The following MICAL1 variants were observed in gnomAD, a reference collection of about 807,000 sequenced individuals.
MICAL1 encodes the protein microtubule associated monooxygenase, calponin and LIM domain containing 1.
A neutral mutation model predicts 131.8 loss-of-function variants in MICAL1; 95 were observed. The ratio of observed to expected loss-of-function variants is 0.72; its 90% CI spans 0.61 to 0.86. The LOEUF is 0.86. Ranked by LOEUF, MICAL1 falls within the 40% of genes least tolerant of loss-of-function variation. The probability of loss-of-function intolerance (pLI) is 0.00; values close to 1 mark genes in which losing one functional copy is unlikely to be tolerated. For synonymous variants in MICAL1, 546 were observed against 554.2 expected (o/e 0.99, Z 0.21); for missense variants, 1,292 against 1,380.6 (o/e 0.94, Z 1.02).
rs749505470 is a variant in MICAL1 at position 109,448,441 on chromosome 6, C to T, written c.1665-48G>A. 3 of 1,598,308 alleles carry T rather than the reference C, an allele frequency of 1.9e-6. No individual in the cohort carries two copies. In the East Asian group the frequency reaches 6.7e-5, roughly 36 times the overall value. ...GCCAACTAGAGACAAGAACCTAGCC[C>T]CACTGAGGGGAGGAAGGGCAGCAGG... is the stretch of plus-strand genomic sequence containing the variant. On this transcript the variant is annotated intron_variant, in intron 12 of 24. Transcript: ENST00000358807.
intron 10 of MICAL1, 50 bp from the exon 11 acceptor site, chr6:109,449,531 G>A: frequency 6.2e-7 from 1 of 1,611,424 alleles, no homozygotes; most frequent in Non-Finnish European, 8.5e-7. Context: ...CACAGCCCCT[G>A]AGTCCAGGGG....
In MICAL1 at chr6:109,449,970, C is replaced by G; in HGVS notation, c.1307G>C (p.Arg436Pro). The G allele has an allele frequency of 6.2e-7, 1 of 1,613,646 alleles. No homozygotes were observed. Among genetic ancestry groups the G allele is most frequent in the East Asian group, 2.2e-5 (1 of 44,882 alleles). Residue 436 changes from arginine to proline, a missense_variant and splice_region_variant, in exon 9 of 25, where the codon CGT becomes CCT. Coordinates refer to ENST00000358807, the MANE Select transcript of MICAL1 (RefSeq NM_022765.4). ...GAESLEVLAE[R>P]ESLYQLLSQT... is the part of the protein sequence containing the mutation. ...ACATCCTCCTCAACTCAGGTCTTAC[C>G]GCTCAGCCAACACCTCTAGGGACTC...
chr6:109,457,547 AGAGAT>A (rs1179727118), upstream of MICAL1, among the ~76,000 whole-genome samples: 1 of 30,040 alleles, frequency 3.3e-5, no homozygotes, highest in Non-Finnish European at 4.8e-5. Context: ...AGAGACCATA[AGAGAT>A]CCAGAGACCA....
rs144451221 is a variant in MICAL1 at position 109,446,243 on chromosome 6, G to T, written c.2474C>A (p.Pro825Gln). Residue 825 changes from proline (P) to glutamine (Q), a missense_variant, in exon 19 of 25, where the codon CCG (proline) becomes CAG (glutamine). Transcript: ENST00000358807. ...RLSSLNLTPDPEMEPPPKPPR... is the reference protein window; with the variant it reads ...RLSSLNLTPDQEMEPPPKPPR... ...AGGCTTGGGTGGAGGCTCCATTTCCGGGTCAGGGGTAAGGTTAAGGGAGGA... is the reference window on the plus strand; with the variant it reads ...AGGCTTGGGTGGAGGCTCCATTTCCTGGTCAGGGGTAAGGTTAAGGGAGGA... 271 of 1,607,584 alleles carry T rather than the reference G, an allele frequency of 1.7e-4. No homozygotes were observed. The highest frequency in any genetic ancestry group is 2.2e-4 in the Non-Finnish European group (263 of 1,177,484).
Position 109,453,242 on chromosome 6 carries a change from AG to A in MICAL1, c.571+20del, listed in dbSNP as rs748773864. 6.3e-7 allele frequency: 1 copy of A among 1,590,910 alleles called. No individual in the cohort carries two copies. Among genetic ancestry groups the A allele is most frequent in the East Asian group, 2.2e-5 (1 of 44,804 alleles). ...TCTTGATGGGGGAGGGGGAGATTCCAGGGAGCATAGAAATACTTACCCTTCC... is the reference window on the plus strand; with the variant it reads ...TCTTGATGGGGGAGGGGGAGATTCCAGGAGCATAGAAATACTTACCCTTCC... On this transcript the variant is annotated intron_variant, in intron 4 of 24. Transcript: ENST00000358807.
chr6:109,444,402 C>T (rs922042631), intron 24 of MICAL1, 63 bp from the exon 25 acceptor site: 2 of 1,604,510 alleles, frequency 1.2e-6, no homozygotes, highest in East Asian at 2.2e-5. Flanking sequence ...AGGGCCACAA[C>T]CTAATCCCAG....
At chr6:109,450,234 C>T in intron 8 of MICAL1, 66 bp downstream of exon 8, 1 of 1,571,556 alleles carries the variant, frequency 6.4e-7, no homozygotes, top group Non-Finnish European at 8.7e-7. Context: ...CCTTTTTATC[C>T]CCTCCTCCAT....
In MICAL1 at chr6:109,445,805, T is replaced by A; in HGVS notation, c.2639A>T (p.Glu880Val). Residue 880 changes from glutamate (E) to valine (V), a missense_variant, in exon 20 of 25, where the codon GAA becomes GTA. Transcript: ENST00000358807. ...ATCTGAGTCCAAAGGCACATCTTCTTCTTCCTCTTCACTGGAGAAGGGACT... is the reference window on the plus strand; with the variant it reads ...ATCTGAGTCCAAAGGCACATCTTCTACTTCCTCTTCACTGGAGAAGGGACT... Reference protein sequence around the residue: ...KESPFSSEEEEEDVPLDSDVE... With the variant: ...KESPFSSEEEVEDVPLDSDVE... 2 of 1,611,770 alleles carry A rather than the reference T, an allele frequency of 1.2e-6. No individual in the cohort carries two copies. The highest frequency in any genetic ancestry group is 1.7e-6 in the Non-Finnish European group (2 of 1,179,132).
In MICAL1 at chr6:109,460,888, T is replaced by G. The variant is rs182827659; in HGVS notation, c.14+4776A>C. ...CAAAAATTTGAAAAAAGGGCTCACT[T>G]ACAGAGGCTCCTGTTAACTAAGACA... On this transcript the variant is annotated intron_variant, in intron 1 of 24. Transcript: ENST00000630715. 3.8e-4 allele frequency among the ~76,000 whole-genome samples: 58 copies of G among 152,312 alleles called. 1 individual carries two copies. Among genetic ancestry groups the G allele is most frequent in the Admixed American group, 3.3e-3 (51 of 15,298 alleles).
chr6:109,454,586 T>G (rs188699483), intron 1 of MICAL1: 1 of 292,934 alleles, frequency 3.4e-6, no homozygotes, highest in Non-Finnish European at 6.6e-6. Context: ...AATCAGGGTG[T>G]GCGGGGATTT....
chr6:109,461,569 G>A (rs1775889009), intron 1 of MICAL1, among the ~76,000 whole-genome samples: 1 of 151,938 alleles, frequency 6.6e-6, no homozygotes, highest in African/African-American at 2.4e-5. Context: ...GTGAGACCCT[G>A]TCTCCACTTA....
At position 109,453,657 on chromosome 6, in the gene MICAL1, G is replaced by A. The variant is rs1241967712; in HGVS notation, c.447C>T (p.Thr149=). ...GCTCACTGATGTGGTCCAGGGTGCCGGTGCAGAAGCGCCCGTAGAACTTCT... is the reference window on the plus strand; with the variant it reads ...GCTCACTGATGTGGTCCAGGGTGCCAGTGCAGAAGCGCCCGTAGAACTTCT... ...GAKKFYGRFC[T]GTLDHISIRQ... The change falls in exon 3 of 25, where the codon ACC becomes ACT. Residue 149 remains threonine (T), a synonymous_variant. Coordinates refer to ENST00000358807, the MANE Select transcript of MICAL1 (RefSeq NM_022765.4). 11 of 1,608,376 alleles carry A rather than the reference G, an allele frequency of 6.8e-6. No homozygotes were observed. The highest frequency in any genetic ancestry group is 6.7e-5 in the East Asian group (3 of 44,498).
In MICAL1 at chr6:109,449,431, G is replaced by A. The variant is rs780790903; in HGVS notation, c.1485C>T (p.Asn495=). The A allele has an allele frequency of 4.3e-5, 69 of 1,614,082 alleles. No individual in the cohort carries two copies. Among genetic ancestry groups the A allele is most frequent in the Non-Finnish European group, 5.3e-5 (63 of 1,180,044 alleles). ...CTGGCATCCCTGTATCTGTCTTGTC[G>A]TTGTTCCTCTGCACAGGCTCCTTGG... ...VLAKEPVQRN[N]DKTDTGMPAT... is the part of the protein sequence containing the mutation. The change falls in exon 11 of 25, where the codon AAC becomes AAT. Residue 495 remains asparagine (N), a synonymous_variant. Transcript: ENST00000358807.
chr6:109,448,701 TGA>T (rs1465600174), intron 12 of MICAL1, 29 bp downstream of exon 12: 2 of 1,612,444 alleles, frequency 1.2e-6, no homozygotes, highest in Non-Finnish European at 1.7e-6. Context: ...ACTGAGATCA[TGA>T]GAGAGAGGTG....
chr6:109,464,251 A>G (rs1010953587), intron 1 of MICAL1: 1 of 152,238 alleles, frequency 6.6e-6, no homozygotes, highest in Admixed American at 6.5e-5. Flanking sequence ...TGTGAATTAC[A>G]TATAATAAAA....
In MICAL1 at chr6:109,446,705, AG is replaced by A; in HGVS notation, c.2294del (p.Pro765LeufsTer139). The stretch of plus-strand genomic sequence containing the variant: ...CGCCTTCAGTCTTTACCGGACTCTC[AG>A]GGCCTCTATCGCTGCCTTCCGCTTT... ...DHKAEGSDRG[P>X]ESPELPTPSE... On this transcript the variant is annotated frameshift_variant, in exon 18 of 25. Transcript: ENST00000358807. LOFTEE classifies it high-confidence loss of function. 6.2e-7 allele frequency: 1 copy of A among 1,613,658 alleles called. No homozygotes were observed. The highest frequency in any genetic ancestry group is 8.5e-7 in the Non-Finnish European group (1 of 1,179,800).
In MICAL1 at chr6:109,454,117, A is replaced by G; in HGVS notation, c.80T>C (p.Leu27Pro). ...FLQAQLCQDV[L>P]SSFQELCGAL... ...CCCACACAGCTCCTGGAAGCTGCTC[A>G]GCACGTCCTGGCACAGCTGGGCCTG... Residue 27 changes from leucine to proline, a missense_variant, in exon 2 of 25, where the codon CTG becomes CCG. Physicochemically the swap from Leu to Pro is moderately conservative, Grantham distance 98 (BLOSUM62 -3). Coordinates refer to ENST00000358807, the MANE Select transcript of MICAL1 (RefSeq NM_022765.4). 1.9e-6 allele frequency: 3 copies of G among 1,613,728 alleles called. No individual in the cohort carries two copies. Among genetic ancestry groups the G allele is most frequent in the Non-Finnish European group, 2.5e-6 (3 of 1,179,924 alleles).
At chr6:109,451,195 C>T (rs1476638721) in intron 7 of MICAL1, among the ~76,000 whole-genome samples, 3 of 149,690 alleles carry the variant, frequency 2.0e-5, no homozygotes, top group African/African-American at 5.0e-5. Flanking sequence ...ACTTTGTTGC[C>T]GAGGCTGGAG....
At chr6:109,445,729 T>TGAATGTATGTGTTG in intron 20 of MICAL1, 42 bp downstream of exon 20, 1 of 1,588,346 alleles carries the variant, frequency 6.3e-7, no homozygotes, top group Non-Finnish European at 8.6e-7. Context: ...TCTCCTGTAG[T>TGAATGTATGTGTTG]GGGCTGGAGA....
Sources: allele counts gnomAD v4.1 joint callset (sites outside exome capture counted in the v4.1 genomes callset), GRCh38; gene constraint gnomAD v4.1.1; transcripts MANE v1.5; gene names NCBI Gene and HGNC (gene_info 2026-07-23, HGNC 2026-07-21).